CSMD3: variants seen among roughly 807,000 people sequenced by gnomAD.
The protein encoded by CSMD3 is CUB and Sushi multiple domains 3.
A neutral mutation model predicts 435.2 loss-of-function variants in CSMD3; 177 were observed. That is an observed-to-expected ratio of 0.41 (90% CI 0.36 to 0.46). The LOEUF (loss-of-function observed/expected upper bound fraction) is 0.46, where lower values mean the gene tolerates loss of function less well. Ranked by LOEUF, CSMD3 falls within the 20% of genes least tolerant of loss-of-function variation. CSMD3 has a pLI of 0.34. For missense variants in CSMD3, 4,265 were observed against 4,504.6 expected, an observed-to-expected ratio of 0.95 and a Z score of 1.52; for synonymous variants, 1,656 against 1,520.5, an observed-to-expected ratio of 1.09 and a Z score of -2.07.
intron 56 of CSMD3, among the ~76,000 whole-genome samples, 165 bp downstream of exon 56, chr8:112,291,345 C>T (rs1374219315): frequency 6.6e-6 from 1 of 151,802 alleles, no homozygotes; most frequent in East Asian, 1.9e-4. Context: ...TACATTTGGA[C>T]ATTGAATTTG....
chr8:112,795,981 A>G (rs1246031790), intron 13 of CSMD3, among the ~76,000 whole-genome samples: 1 of 152,114 alleles, frequency 6.6e-6, no homozygotes, highest in Admixed American at 6.6e-5. Flanking sequence ...AAATGCACAC[A>G]TCTCCTATGT....
chr8:113,217,609 T>A (rs942113002), intron 3 of CSMD3, among the ~76,000 whole-genome samples: 1 of 151,622 alleles, frequency 6.6e-6, no homozygotes, highest in African/African-American at 2.4e-5. Context: ...TTCAAAATTG[T>A]AGGAAAAATA....
At chr8:113,285,989 A>G (rs1046103972) in intron 2 of CSMD3, among the ~76,000 whole-genome samples, 1 of 151,084 alleles carries the variant, frequency 6.6e-6, no homozygotes, top group Admixed American at 6.6e-5. Flanking sequence ...TTTTCAGTAC[A>G]TTTTCTCATC....
intron 1 of CSMD3, among the ~76,000 whole-genome samples, chr8:113,423,459 A>G (rs1423368044): frequency 6.6e-6 from 1 of 152,022 alleles, no homozygotes; most frequent in Admixed American, 6.6e-5. Flanking sequence ...TTATATGTAA[A>G]TTGTCAGTGA....
chr8:112,309,207 C>T (rs1470646348), intron 50 of CSMD3, among the ~76,000 whole-genome samples: 1 of 151,864 alleles, frequency 6.6e-6, no homozygotes, highest in East Asian at 1.9e-4. Context: ...AATTGTAGCA[C>T]TAATTCTACA....
At chr8:112,883,339 G>T (rs1457862972) in intron 10 of CSMD3, among the ~76,000 whole-genome samples, 1 of 151,936 alleles carries the variant, frequency 6.6e-6, no homozygotes. Flanking sequence ...TATTCTTTTT[G>T]ATGTGAAATT....
At chr8:113,087,864 T>G (rs377010701) in intron 5 of CSMD3, among the ~76,000 whole-genome samples, 1 of 152,132 alleles carries the variant, frequency 6.6e-6, no homozygotes, top group Non-Finnish European at 1.5e-5. Context: ...AAATGGGATC[T>G]AATTAAACTA....
At chr8:113,422,132 A>G (rs2094611665) in intron 1 of CSMD3, among the ~76,000 whole-genome samples, 2 of 152,118 alleles carry the variant, frequency 1.3e-5, no homozygotes, top group African/African-American at 4.8e-5. Context: ...TCCTCTATGA[A>G]GAGGGTATTT....
At chr8:112,349,595 C>CACCA (rs1563825001) in intron 40 of CSMD3, among the ~76,000 whole-genome samples, 1 of 152,128 alleles carries the variant, frequency 6.6e-6, no homozygotes, top group Non-Finnish European at 1.5e-5. Context: ...AACACACACA[C>CACCA]ACCACACAAT....
At chr8:113,256,533 T>C (rs1027136525) in intron 3 of CSMD3, among the ~76,000 whole-genome samples, 2 of 152,192 alleles carry the variant, frequency 1.3e-5, no homozygotes, top group Non-Finnish European at 2.9e-5. Flanking sequence ...AAGTAAACAA[T>C]TGGAAATATT....
intron 27 of CSMD3, among the ~76,000 whole-genome samples, chr8:112,519,336 G>A (rs140618165): frequency 1.4e-4 from 22 of 152,170 alleles, no homozygotes; most frequent in African/African-American, 5.1e-4. Flanking sequence ...ATCATAAAAG[G>A]AACATACTTG....
At chr8:112,815,452 C>T (rs1255923456) in intron 12 of CSMD3, among the ~76,000 whole-genome samples, 1 of 152,046 alleles carries the variant, frequency 6.6e-6, no homozygotes, top group East Asian at 1.9e-4. Context: ...TCTTTGTATT[C>T]AAAGTTGGAA....
At chr8:112,990,830 C>T (rs749786591) in intron 6 of CSMD3, among the ~76,000 whole-genome samples, 1 of 151,816 alleles carries the variant, frequency 6.6e-6, no homozygotes, top group Non-Finnish European at 1.5e-5. Flanking sequence ...CAGACACAGT[C>T]CTCCAACTCC....
intron 33 of CSMD3, 102 bp from the exon 34 acceptor site, chr8:112,408,515 T>C (rs1325593564): frequency 6.1e-6 from 5 of 822,296 alleles, no homozygotes; most frequent in African/African-American, 3.4e-5. Context: ...AATGTCAATC[T>C]ATGTTCTATC....
At chr8:113,282,848 T>C (rs1588437635) in intron 2 of CSMD3, among the ~76,000 whole-genome samples, 1 of 152,080 alleles carries the variant, frequency 6.6e-6, no homozygotes, top group Non-Finnish European at 1.5e-5. Flanking sequence ...TATAAGGCCG[T>C]AGTCACCAAA....
chr8:113,375,536 C>CACACACACACAT (rs1554623679), intron 1 of CSMD3, among the ~76,000 whole-genome samples: 45,848 of 150,356 alleles, frequency 0.3, 8,597 homozygotes, highest in Non-Finnish European at 0.44. Flanking sequence ...CACACACACA[C>CACACACACACAT]ACACACACAC....
At chr8:112,772,363 G>C (rs1468728505) in intron 13 of CSMD3, among the ~76,000 whole-genome samples, 1 of 152,094 alleles carries the variant, frequency 6.6e-6, no homozygotes, top group Non-Finnish European at 1.5e-5. Flanking sequence ...AATCGATTAA[G>C]GGCTGTGCAG....
At chr8:113,298,158 AGATAT>A (rs1253823715) in intron 2 of CSMD3, among the ~76,000 whole-genome samples, 1 of 152,072 alleles carries the variant, frequency 6.6e-6, no homozygotes, top group African/African-American at 2.4e-5. Flanking sequence ...TGGATGTGGA[AGATAT>A]GATAGGAATA....
intron 12 of CSMD3, among the ~76,000 whole-genome samples, chr8:112,818,822 A>G (rs1306293551): frequency 2.5e-4 from 38 of 152,130 alleles, no homozygotes; most frequent in Non-Finnish European, 1.5e-5. Context: ...AAATACAGAA[A>G]CTGTGTGTTA....
Sources: gnomAD v4.1 joint callset for allele counts (sites outside exome capture counted in the v4.1 genomes callset) on GRCh38, gnomAD v4.1.1 for gene constraint, MANE v1.5 for transcripts, NCBI Gene and HGNC (gene_info 2026-07-23, HGNC 2026-07-21) for gene names.